Variants in SLC22A13 observed in about 807,000 individuals in gnomAD.
SLC22A13 encodes solute carrier family 22 member 13.
Under a neutral mutation model 49.1 loss-of-function variants are expected in SLC22A13, and 42 were observed. The observed-to-expected ratio is 0.85, with a 90% CI of 0.67 to 1.11. SLC22A13 has a LOEUF of 1.11. SLC22A13 is among the 50% of genes least tolerant of loss of function. SLC22A13 has a pLI of 0.00. For missense variants in SLC22A13, 694 were observed against 712.8 expected, an observed-to-expected ratio of 0.97 and a Z score of 0.30; for synonymous variants, 282 against 293.1, an observed-to-expected ratio of 0.96 and a Z score of 0.39.
intron 1 of SLC22A13, among the ~76,000 whole-genome samples, chr3:38,271,188 TCCATATA>T (rs996813351): frequency 6.6e-6 from 1 of 152,180 alleles, no homozygotes; most frequent in Non-Finnish European, 1.5e-5. Flanking sequence ...AAAGTATATT[TCCATATA>T]GGCTGTGTGC....
Position 38,275,426 on chromosome 3 carries a change from T to C in SLC22A13, c.863T>C (p.Ile288Thr), listed in dbSNP as rs896149103. 4.3e-6 allele frequency: 7 copies of C among 1,614,062 alleles called. No homozygotes were observed. Among genetic ancestry groups the C allele is most frequent in the African/African-American group, 1.3e-5 (1 of 74,920 alleles). The part of the protein sequence containing the change: ...LLTRGRMDEA[I>T]QLIQKAASVN... ...ACCCGTGGGAGGATGGACGAGGCGA[T>C]ACAACTGATCCAGAAGGCGGCCTCG... The change falls in exon 5 of 10, where the codon ATA (isoleucine) becomes ACA (threonine). Residue 288 changes from isoleucine (I) to threonine (T), a missense_variant. Ile to Thr is a moderately conservative substitution (Grantham distance 89). Coordinates refer to ENST00000311856, the MANE Select transcript of SLC22A13 (RefSeq NM_004256.4).
chr3:38,275,865 C>A lies in SLC22A13; in HGVS notation c.1023-17C>A. On this transcript the variant is annotated splice_polypyrimidine_tract_variant and intron_variant, in intron 6 of 9. Coordinates refer to ENST00000311856, the MANE Select transcript of SLC22A13 (RefSeq NM_004256.4). ...CTCGTCACCCAGCAGTGACAGGAAC[C>A]CTTCATTACCTTGTAGGTTTGTGGA... is the stretch of plus-strand genomic sequence containing the variant. 1.9e-6 allele frequency: 3 copies of A among 1,609,392 alleles called. No homozygotes were observed. In the South Asian group the frequency reaches 3.3e-5, roughly 18 times the overall value.
At chr3:38,268,325 C>G (rs1703483962) in intron 1 of SLC22A13, among the ~76,000 whole-genome samples, 1 of 152,134 alleles carries the variant, frequency 6.6e-6, no homozygotes, top group African/African-American at 2.4e-5. Flanking sequence ...AAGTGTTCTC[C>G]CCGCCCCTTC....
chr3:38,266,308 C>T, intron 1 of SLC22A13, 70 bp downstream of exon 1: 2 of 1,547,776 alleles, frequency 1.3e-6, no homozygotes, highest in Non-Finnish European at 1.8e-6. Flanking sequence ...GACTCTTCGC[C>T]CTCAGTCACT....
At chr3:38,268,344 C>T (rs1212367515) in intron 1 of SLC22A13, among the ~76,000 whole-genome samples, 1 of 152,210 alleles carries the variant, frequency 6.6e-6, no homozygotes, top group African/African-American at 2.4e-5. Context: ...TCTCCAACCT[C>T]AGCTCCTCGA....
intron 1 of SLC22A13, among the ~76,000 whole-genome samples, chr3:38,272,672 C>T (rs1196592137): frequency 6.6e-6 from 1 of 152,228 alleles, no homozygotes; most frequent in Non-Finnish European, 1.5e-5. Flanking sequence ...CAGGGGCAAT[C>T]AGTTCATCAC....
Position 38,276,295 on chromosome 3 carries a change from G to A in SLC22A13, c.1246G>A (p.Val416Met), listed in dbSNP as rs370262738. The change falls in exon 8 of 10, where the codon GTG (valine) becomes ATG (methionine). Residue 416 changes from valine (V) to methionine (M), a missense_variant. Coordinates refer to ENST00000311856, the MANE Select transcript of SLC22A13 (RefSeq NM_004256.4). ...IIIFIPADLP[V>M]VVTMLAVVGK... is the part of the protein sequence containing the mutation. The stretch of plus-strand genomic sequence containing the variant: ...TGTCTACCCTCTGCCAGATCTGCCC[G>A]TGGTGGTCACCATGCTGGCTGTGGT... 9.9e-6 allele frequency: 16 copies of A among 1,612,350 alleles called. No individual in the cohort carries two copies. Among genetic ancestry groups the A allele is most frequent in the Middle Eastern group, 3.3e-4 (2 of 6,066 alleles).
chr3:38,269,850 C>A lies in SLC22A13; in HGVS notation c.378+3612C>A, dbSNP rs536146019. ...CATTTAGCATTAGGTATATCTCCTA[C>A]AGCTATCCCCTCCCCCCTCCCCCCA... On this transcript the variant is annotated intron_variant, in intron 1 of 9. Coordinates refer to ENST00000311856, the MANE Select transcript of SLC22A13 (RefSeq NM_004256.4). Among the ~76,000 whole-genome samples, 571 of 148,854 alleles carry A rather than the reference C, an allele frequency of 3.8e-3. 8 individuals carry two copies. The highest frequency in any genetic ancestry group is 0.014 in the African/African-American group (548 of 40,206).
rs761401841 is a variant in SLC22A13, at chr3:38,275,166, A to T, written c.806+9A>T. ...CTCTTCTTCTACTTCTGGTGAGGAA[A>T]ATACATGCCAGGAGCAAGCCCCCCC... is the stretch of plus-strand genomic sequence containing the variant. On this transcript the variant is annotated intron_variant, in intron 4 of 9. Transcript: ENST00000311856. The T allele has an allele frequency of 1.9e-6, 3 of 1,613,956 alleles. No homozygotes were observed. In the Admixed American group the frequency reaches 5.0e-5, roughly 27 times the overall value.
intron 1 of SLC22A13, among the ~76,000 whole-genome samples, chr3:38,273,002 G>A (rs9831440): frequency 0.1 from 15,380 of 152,128 alleles, 1,471 homozygotes; most frequent in African/African-American, 0.25. Flanking sequence ...AATAAGTGAA[G>A]GATTATTATT....
In SLC22A13 at chr3:38,265,821, C is replaced by A. The variant is rs899900323; in HGVS notation, c.-40C>A. The A allele has an allele frequency of 1.2e-6, 2 of 1,600,978 alleles. No individual in the cohort carries two copies. The highest frequency in any genetic ancestry group is 4.5e-5 in the East Asian group (2 of 44,838). ...TTCCCAGAGCCAAGCTACAGAGCTA[C>A]CCTAGTGTCCCCAGGCTGAGGAGGT... On this transcript the variant is annotated 5_prime_UTR_variant, in exon 1 of 10. Transcript: ENST00000311856.
intron 1 of SLC22A13, among the ~76,000 whole-genome samples, chr3:38,273,242 C>T (rs1015634142): frequency 1.3e-5 from 2 of 152,152 alleles, no homozygotes; most frequent in Non-Finnish European, 2.9e-5. Context: ...ATACAATAGA[C>T]GTGTGTACAG....
intron 1 of SLC22A13, among the ~76,000 whole-genome samples, chr3:38,273,603 A>G (rs1703544692): frequency 6.6e-6 from 1 of 152,190 alleles, no homozygotes; most frequent in Non-Finnish European, 1.5e-5. Flanking sequence ...TTTGTTAAGA[A>G]GCAGCAATTA....
Position 38,266,138 on chromosome 3 carries a change from C to A in SLC22A13, c.278C>A (p.Ala93Asp), listed in dbSNP as rs772910820. 2 of 1,614,164 alleles carry A rather than the reference C, an allele frequency of 1.2e-6. No individual in the cohort carries two copies. The highest frequency in any genetic ancestry group is 1.7e-6 in the Non-Finnish European group (2 of 1,180,034). Residue 93 changes from alanine to aspartate, a missense_variant, in exon 1 of 10, where the codon GCC becomes GAC. Ala to Asp is a moderately radical substitution (Grantham distance 126). Coordinates refer to ENST00000311856, the MANE Select transcript of SLC22A13 (RefSeq NM_004256.4). ...ATGTTCCGGCCACCCCCCGCCAATG[C>A]CAGCCTGCAGGACATCCTCAGCCAC... is the stretch of plus-strand genomic sequence containing the variant. ...CLMFRPPPAN[A>D]SLQDILSHRF...
Position 38,265,825 on chromosome 3 carries a change from A to C in SLC22A13, c.-36A>C, listed in dbSNP as rs1366563128. 2 of 1,603,304 alleles carry C rather than the reference A, an allele frequency of 1.2e-6. No homozygotes were observed. Among genetic ancestry groups the C allele is most frequent in the African/African-American group, 2.7e-5 (2 of 74,766 alleles). ...CAGAGCCAAGCTACAGAGCTACCCT[A>C]GTGTCCCCAGGCTGAGGAGGTAGTG... On this transcript the variant is annotated 5_prime_UTR_variant, in exon 1 of 10. Coordinates refer to ENST00000311856, the MANE Select transcript of SLC22A13 (RefSeq NM_004256.4).
intron 1 of SLC22A13, among the ~76,000 whole-genome samples, chr3:38,273,355 C>G (rs1703542146): frequency 6.6e-6 from 1 of 152,194 alleles, no homozygotes; most frequent in Non-Finnish European, 1.5e-5. Context: ...CTCTCTTTCT[C>G]TGTCACACAC....
At chr3:38,276,854 G>A (rs1277005480) in intron 8 of SLC22A13, 58 bp from the exon 9 acceptor site, 5 of 1,463,892 alleles carry the variant, frequency 3.4e-6, no homozygotes, top group Non-Finnish European at 4.7e-6. Flanking sequence ...ATACTAGGGT[G>A]AAGCTGAGGC....
At chr3:38,271,604 A>C (rs1396733032) in intron 1 of SLC22A13, among the ~76,000 whole-genome samples, 2 of 151,474 alleles carry the variant, frequency 1.3e-5, no homozygotes, top group Non-Finnish European at 2.9e-5. Flanking sequence ...TGGAATGGGA[A>C]GGTGGGAAGA....
rs898516950 is a variant in SLC22A13 at position 38,272,095 on chromosome 3, C to T, written c.379-2177C>T. On this transcript the variant is annotated intron_variant, in intron 1 of 9. Coordinates refer to ENST00000311856, the MANE Select transcript of SLC22A13 (RefSeq NM_004256.4). ...CTCCAAGCCTCAGTCTCTGCTGCTG[C>T]ACAAGGGGAATGATAAGCCATTATG... Among the ~76,000 whole-genome samples, 3 of 152,184 alleles carry T rather than the reference C, an allele frequency of 2.0e-5. No individual in the cohort carries two copies. The East Asian group carries it at 5.8e-4, about 29-fold the overall frequency.
Sources: allele counts gnomAD v4.1 joint callset (sites outside exome capture counted in the v4.1 genomes callset), GRCh38; gene constraint gnomAD v4.1.1; transcripts MANE v1.5; gene names NCBI Gene and HGNC (gene_info 2026-07-23, HGNC 2026-07-21).